Variants in RGS6 observed in about 807,000 individuals in gnomAD.
The protein encoded by RGS6 is regulator of G protein signaling 6, also known as regulator of G-protein signaling 6.
RGS6 carries 30 observed loss-of-function variants against 78.5 expected under a neutral mutation model. The observed-to-expected ratio is 0.38, with a 90% CI of 0.29 to 0.52. The LOEUF is 0.52. Among genes scored for constraint, RGS6 ranks in the 20% least tolerant of loss-of-function variants. The pLI, the probability that RGS6 is intolerant of heterozygous loss-of-function variation, is 0.85. For missense variants in RGS6, 495 were observed against 609.7 expected (o/e 0.81, Z 1.98); for synonymous variants, 206 against 206.0 (o/e 1.00, Z 0.00).
intron 2 of RGS6, among the ~76,000 whole-genome samples, chr14:72,060,169 G>T (rs1466665507): frequency 6.6e-6 from 1 of 152,044 alleles, no homozygotes; most frequent in Non-Finnish European, 1.5e-5. Flanking sequence ...TAGGTCTTTG[G>T]TGATTTAAAA....
chr14:72,031,356 G>A (rs1310820396), intron 2 of RGS6, among the ~76,000 whole-genome samples: 1 of 152,050 alleles, frequency 6.6e-6, no homozygotes, highest in African/African-American at 2.4e-5. Flanking sequence ...GCTTTTTTCT[G>A]TGAGTAAGAT....
the RGS6 span, among the ~76,000 whole-genome samples, chr14:72,596,169 C>T: frequency 6.6e-6 from 1 of 152,198 alleles, no homozygotes; most frequent in Non-Finnish European, 1.5e-5. Flanking sequence ...AGGAGGGCTG[C>T]ATTCCTTTCA....
chr14:72,587,990 C>T, the RGS6 span, among the ~76,000 whole-genome samples: 2 of 152,178 alleles, frequency 1.3e-5, no homozygotes, highest in Non-Finnish European at 2.9e-5. Flanking sequence ...GGCTCCAGAA[C>T]CTGGGAGCTT....
intron 2 of RGS6, among the ~76,000 whole-genome samples, chr14:72,166,483 A>G (rs967814240): frequency 5.3e-5 from 8 of 152,222 alleles, no homozygotes; most frequent in Non-Finnish European, 1.2e-4. Flanking sequence ...GTTGTTTCAC[A>G]TACTCAGGAG....
At chr14:71,910,201 AAAAAC>A in the RGS6 span, among the ~76,000 whole-genome samples, 117,905 of 150,270 alleles carry the variant, frequency 0.78, 46,724 homozygotes, top group Non-Finnish European at 0.84. Flanking sequence ...AAACAAAAAC[AAAAAC>A]AAAACAAAAC....
At chr14:72,397,740 T>C (rs1032253518) in intron 3 of RGS6, among the ~76,000 whole-genome samples, 5 of 152,228 alleles carry the variant, frequency 3.3e-5, no homozygotes, top group African/African-American at 9.6e-5. Flanking sequence ...ACCTAATTTA[T>C]TGAGAGTTTT....
intron 2 of RGS6, among the ~76,000 whole-genome samples, chr14:72,098,302 G>C (rs1439099040): frequency 6.6e-6 from 1 of 152,150 alleles, no homozygotes; most frequent in Non-Finnish European, 1.5e-5. Flanking sequence ...TCATTTCCCT[G>C]GCCTCTTGGC....
At chr14:71,958,586 G>GT (rs889718984) in intron 1 of RGS6, among the ~76,000 whole-genome samples, 23 of 150,552 alleles carry the variant, frequency 1.5e-4, no homozygotes, top group African/African-American at 5.3e-4. Context: ...TTGAAAGCCA[G>GT]TTTTTTTTGA....
chr14:72,526,010 G>A (rs1019687860), intron 15 of RGS6, among the ~76,000 whole-genome samples: 1 of 152,124 alleles, frequency 6.6e-6, no homozygotes, highest in Non-Finnish European at 1.5e-5. Flanking sequence ...ACGTCAAAGA[G>A]TTCAATTCCA....
rs1198627437 is a variant in RGS6 at position 71,967,655 on chromosome 14, TG to T, written c.84+2781del. The stretch of plus-strand genomic sequence containing the variant: ...TTTTCTTTCTCTTGTTTGTTGTTGT[TG>T]TTTTTTTTCTCTTGTTGTCAGACAC... On this transcript the variant is annotated intron_variant, in intron 2 of 17. Transcript: ENST00000553525. Among the ~76,000 whole-genome samples the T allele has an allele frequency of 4.5e-4, 68 of 152,320 alleles. 1 individual carries two copies. Among genetic ancestry groups the T allele is most frequent in the Non-Finnish European group, 2.6e-4 (18 of 68,018 alleles).
chr14:71,902,684 A>C, the RGS6 span, among the ~76,000 whole-genome samples: 19 of 152,220 alleles, frequency 1.2e-4, no homozygotes, highest in Non-Finnish European at 2.2e-4. Context: ...GAAGAATAGA[A>C]GTTGCTTCTG....
the RGS6 span, among the ~76,000 whole-genome samples, chr14:71,868,883 G>A: frequency 6.6e-6 from 1 of 152,182 alleles, no homozygotes; most frequent in South Asian, 2.1e-4. Flanking sequence ...CAGCCCCAAA[G>A]TGTGGAAGTT....
At chr14:72,430,272 C>T (rs1454996056) in intron 3 of RGS6, among the ~76,000 whole-genome samples, 2 of 152,214 alleles carry the variant, frequency 1.3e-5, no homozygotes, top group African/African-American at 4.8e-5. Flanking sequence ...ATTATCTCTT[C>T]TCTAACATCT....
chr14:72,188,974 G>A (rs1389877927), intron 2 of RGS6, among the ~76,000 whole-genome samples: 3 of 152,164 alleles, frequency 2.0e-5, no homozygotes, highest in African/African-American at 4.8e-5. Flanking sequence ...TCAATAGAAC[G>A]AGGTGCTCGA....
intron 1 of RGS6, among the ~76,000 whole-genome samples, chr14:71,956,837 G>A (rs1216328397): frequency 6.6e-6 from 1 of 152,208 alleles, no homozygotes; most frequent in Non-Finnish European, 1.5e-5. Flanking sequence ...GTGCAAGGGA[G>A]TGATTATGAG....
chr14:72,339,251 C>A (rs906958208), intron 2 of RGS6, among the ~76,000 whole-genome samples: 2 of 152,234 alleles, frequency 1.3e-5, no homozygotes, highest in East Asian at 1.9e-4. Context: ...TTTGAGGAAG[C>A]CTGTTTGGCT....
At chr14:72,506,984 T>TAAAAAAAAAAAAAAAAAAAA (rs71109738) in intron 13 of RGS6, among the ~76,000 whole-genome samples, 13 of 54,392 alleles carry the variant, frequency 2.4e-4, no homozygotes, top group African/African-American at 4.2e-4. Flanking sequence ...CTGTCTCTAC[T>TAAAAAAAAAAAAAAAAAAAA]AAAAAAAAAA....
chr14:71,950,610 TATC>T (rs1234580350), intron 1 of RGS6, among the ~76,000 whole-genome samples: 7 of 152,242 alleles, frequency 4.6e-5, no homozygotes, highest in Admixed American at 3.3e-4. Flanking sequence ...CAAAAGAAAC[TATC>T]ATCAGAGCGA....
At chr14:72,582,295 C>T in the RGS6 span, among the ~76,000 whole-genome samples, 3 of 152,144 alleles carry the variant, frequency 2.0e-5, no homozygotes, top group Non-Finnish European at 2.9e-5. Context: ...TGTATTAATC[C>T]GTAATACCTA....
Sources: gnomAD v4.1 joint callset for allele counts (sites outside exome capture counted in the v4.1 genomes callset) on GRCh38, gnomAD v4.1.1 for gene constraint, MANE v1.5 for transcripts, NCBI Gene and HGNC (gene_info 2026-07-23, HGNC 2026-07-21) for gene names.